RYR3: variants seen among roughly 807,000 people sequenced by gnomAD.
RYR3 encodes brain ryanodine receptor-calcium release channel.
In RYR3, 207 loss-of-function variants were observed where a neutral mutation model predicts 584.3. The ratio of observed to expected loss-of-function variants is 0.35; its 90% CI spans 0.32 to 0.40. The LOEUF (loss-of-function observed/expected upper bound fraction) is 0.40. RYR3 is among the 10% of genes least tolerant of loss of function. RYR3 has a pLI of 1.00. For missense variants in RYR3, 5,616 were observed against 6,089.2 expected (o/e 0.92, Z 2.59); for synonymous variants, 2,416 against 2,248.5 (o/e 1.07, Z -2.11).
chr15:33,385,905 A>G (rs1461861926), intron 1 of RYR3, among the ~76,000 whole-genome samples: 2 of 151,580 alleles, frequency 1.3e-5, no homozygotes, highest in Non-Finnish European at 2.9e-5. Flanking sequence ...AGGTCTCACT[A>G]TGTTACCTAG....
At chr15:33,580,169 A>C (rs1464465932) in intron 13 of RYR3, 25 bp downstream of exon 13, 1 of 1,551,558 alleles carries the variant, frequency 6.4e-7, no homozygotes, top group Non-Finnish European at 8.8e-7. Flanking sequence ...GAAAAGTTGA[A>C]ATTCACTTAG....
In RYR3 at chr15:33,540,926, C is replaced by T. The variant is rs201595238; in HGVS notation, c.646+36C>T. 17 of 1,340,562 alleles carry T rather than the reference C, an allele frequency of 1.3e-5. No homozygotes were observed. In the East Asian group the frequency reaches 3.4e-4, roughly 27 times the overall value. The allele number at this position is 1,340,562 out of a possible 1,614,324, so 83.0% of individuals were successfully genotyped here. On this transcript the variant is annotated intron_variant, in intron 7 of 103. Coordinates refer to ENST00000634891, the MANE Select transcript of RYR3 (RefSeq NM_001036.6). The stretch of plus-strand genomic sequence containing the variant: ...TTAAATGCATTTAGCCCTGAGCCTG[C>T]CTATCTCTCTTGAGCTGTATACATT...
chr15:33,484,775 G>A (rs1336071797), intron 2 of RYR3, among the ~76,000 whole-genome samples: 1 of 152,128 alleles, frequency 6.6e-6, no homozygotes, highest in Non-Finnish European at 1.5e-5. Flanking sequence ...GGAAGACAGA[G>A]GGAGGAGATG....
Position 33,434,454 on chromosome 15 carries a change from A to C in RYR3, c.52-38965A>C, listed in dbSNP as rs59605468. Among the ~76,000 whole-genome samples the C allele has an allele frequency of 7.1e-3, 1,054 of 148,416 alleles. 9 individuals carry two copies. The highest frequency in any genetic ancestry group is 0.024 in the African/African-American group (1,003 of 41,148). On this transcript the variant is annotated intron_variant, in intron 1 of 103. Transcript: ENST00000634891. ...CAGTTGAATCCACTTATTCCTCTCC[A>C]TATTTCCACATGTCTAAAACTTATC...
rs1211958435 is a variant in RYR3, at chr15:33,756,347, G to C, written c.8557G>C (p.Asp2853His). Residue 2853 changes from aspartate to histidine, a missense_variant, in exon 59 of 104, where the codon GAC becomes CAC. Asp to His is a moderately conservative substitution (Grantham distance 81). This residue lies in a region of RYR3 where 1,280 missense variants were observed against 1,426.2 expected (regional missense o/e 0.90). Coordinates refer to ENST00000634891, the MANE Select transcript of RYR3 (RefSeq NM_001036.6). ...SSGKTEKSPR[D>H]QEIKFFAKVL... ...TGGGAAAACTGAAAAGTCTCCCCGT[G>C]ACCAGGAGATCAAATTCTTTGCCAA... is the stretch of plus-strand genomic sequence containing the variant. The C allele has an allele frequency of 7.6e-6, 12 of 1,579,408 alleles. No homozygotes were observed. The highest frequency in any genetic ancestry group is 9.5e-6 in the Non-Finnish European group (11 of 1,161,730).
intron 86 of RYR3, among the ~76,000 whole-genome samples, chr15:33,831,498 T>C (rs1316495410): frequency 6.6e-6 from 1 of 152,234 alleles, no homozygotes; most frequent in African/African-American, 2.4e-5. Context: ...ATAAATGATG[T>C]TCTCTTGATG....
intron 28 of RYR3, among the ~76,000 whole-genome samples, chr15:33,645,702 C>A (rs940948456): frequency 1.3e-5 from 2 of 152,204 alleles, no homozygotes; most frequent in Admixed American, 6.5e-5. Context: ...GTTCACTTCC[C>A]TTGTATCCCC....
At chr15:33,457,333 T>C (rs2047646673) in intron 1 of RYR3, among the ~76,000 whole-genome samples, 8 of 152,156 alleles carry the variant, frequency 5.3e-5, no homozygotes, top group Admixed American at 5.2e-4. Context: ...AGCCAAGATA[T>C]AGAATCAACT....
intron 1 of RYR3, among the ~76,000 whole-genome samples, chr15:33,379,666 C>CCTCTCTCTCTCTCTCTCT (rs72425368): frequency 2.2e-4 from 28 of 129,302 alleles, no homozygotes; most frequent in African/African-American, 7.7e-4. Context: ...TGTGTGTGTC[C>CCTCTCTCTCTCTCTCTCT]CTCTCTCTCT....
intron 64 of RYR3, among the ~76,000 whole-genome samples, chr15:33,777,200 G>A (rs912525706): frequency 6.6e-6 from 1 of 152,212 alleles, no homozygotes; most frequent in Non-Finnish European, 1.5e-5. Flanking sequence ...AATAAAGAGA[G>A]TTTCCATATC....
At chr15:33,575,464 T>C (rs183696225) in intron 12 of RYR3, among the ~76,000 whole-genome samples, 1 of 152,160 alleles carries the variant, frequency 6.6e-6, no homozygotes, top group Non-Finnish European at 1.5e-5. Context: ...AGAAACTCGC[T>C]CAAAATCACA....
intron 18 of RYR3, among the ~76,000 whole-genome samples, chr15:33,605,777 G>A (rs1217190227): frequency 6.6e-6 from 1 of 152,168 alleles, no homozygotes; most frequent in Admixed American, 6.5e-5. Context: ...CCCCCACCAG[G>A]ACAGGCATGA....
At chr15:33,668,454 T>C (rs1227390983) in intron 36 of RYR3, among the ~76,000 whole-genome samples, 1 of 152,098 alleles carries the variant, frequency 6.6e-6, no homozygotes, top group African/African-American at 2.4e-5. Context: ...GGGGCAAATT[T>C]TTTAAAGATA....
At chr15:33,428,653 G>A (rs17236056) in intron 1 of RYR3, among the ~76,000 whole-genome samples, 22,617 of 152,028 alleles carry the variant, frequency 0.15, 2,230 homozygotes, top group Admixed American at 0.25. Flanking sequence ...CTTTGCAGGT[G>A]TGTTTCAATC....
chr15:33,438,306 T>C (rs1469400519), intron 1 of RYR3, among the ~76,000 whole-genome samples: 1 of 152,116 alleles, frequency 6.6e-6, no homozygotes, highest in African/African-American at 2.4e-5. Flanking sequence ...CATTCCGTAC[T>C]TCCCTCCCCA....
chr15:33,591,473 A>T (rs1341186228), intron 16 of RYR3, among the ~76,000 whole-genome samples: 1 of 152,232 alleles, frequency 6.6e-6, no homozygotes, highest in Non-Finnish European at 1.5e-5. Flanking sequence ...AATAAAAGGA[A>T]CAAATGAGTG....
At chr15:33,463,466 C>A (rs2048207999) in intron 1 of RYR3, among the ~76,000 whole-genome samples, 1 of 151,844 alleles carries the variant, frequency 6.6e-6, no homozygotes, top group Non-Finnish European at 1.5e-5. Flanking sequence ...TTCTGTGGGG[C>A]CTGAAATTCT....
intron 40 of RYR3, 64 bp from the exon 41 acceptor site, chr15:33,699,640 C>T: frequency 1.3e-5 from 20 of 1,519,122 alleles, no homozygotes; most frequent in Non-Finnish European, 1.7e-5. Flanking sequence ...ACTCTGAGGT[C>T]AGAGTTTTCA....
chr15:33,651,427 C>A (rs972284850), intron 31 of RYR3, among the ~76,000 whole-genome samples: 2 of 152,194 alleles, frequency 1.3e-5, no homozygotes, highest in African/African-American at 2.4e-5. Context: ...TTGCACTGGC[C>A]CCTGCCTGAG....
Sources: gnomAD v4.1 joint callset for allele counts (sites outside exome capture counted in the v4.1 genomes callset) on GRCh38, gnomAD v4.1.1 for gene constraint, gnomAD v4.1.1 regional missense constraint, MANE v1.5 for transcripts, NCBI Gene and HGNC (gene_info 2026-07-23, HGNC 2026-07-21) for gene names.